Variants in PTPRN2 observed in about 807,000 individuals in gnomAD.
PTPRN2 encodes protein tyrosine phosphatase receptor type N2.
Under a neutral mutation model 118.8 loss-of-function variants are expected in PTPRN2, and 74 were observed. The observed-to-expected ratio is 0.62, with a 90% CI of 0.52 to 0.76. The LOEUF (loss-of-function observed/expected upper bound fraction) is 0.76. PTPRN2 is among the 30% of genes least tolerant of loss of function. PTPRN2 has a pLI of 0.00. For missense variants in PTPRN2, 1,481 were observed against 1,394.4 expected (o/e 1.06, Z -0.99); for synonymous variants, 641 against 608.0 (o/e 1.05, Z -0.80).
chr7:158,441,065 GGTA>G (rs1817056511), intron 2 of PTPRN2, among the ~76,000 whole-genome samples: 2 of 140,656 alleles, frequency 1.4e-5, no homozygotes, highest in African/African-American at 3.0e-5. Context: ...TGATGGGGGT[GGTA>G]GTGATGGTGG....
rs1335466967 is a variant in PTPRN2 at position 158,557,046 on chromosome 7, A to C, written c.112+30512T>G. On this transcript the variant is annotated intron_variant, in intron 1 of 22. Coordinates refer to ENST00000389418, the MANE Select transcript of PTPRN2 (RefSeq NM_002847.5). ...CACGCAGGTCAGAGGGCTCCCGCGCAGGTCACTCCCAGGCAGGTGGCTCCC... is the reference window on the plus strand; with the variant it reads ...CACGCAGGTCAGAGGGCTCCCGCGCCGGTCACTCCCAGGCAGGTGGCTCCC... Among the ~76,000 whole-genome samples, 20 of 137,436 alleles carry C rather than the reference A, an allele frequency of 1.5e-4. 1 individual carries two copies. Among genetic ancestry groups the C allele is most frequent in the African/African-American group, 5.6e-4 (20 of 35,454 alleles). The allele number at this position is 137,436 out of a possible 152,430, so 90.2% of individuals were successfully genotyped here.
In PTPRN2 at chr7:158,468,961, CGGGTGGAT is replaced by C. The variant is rs1178089484; in HGVS notation, c.163+20766_163+20773del. Among the ~76,000 whole-genome samples, 173 of 151,790 alleles carry C rather than the reference CGGGTGGAT, an allele frequency of 1.1e-3. 3 individuals are homozygous for C. Among genetic ancestry groups the C allele is most frequent in the Middle Eastern group, 0.01 (3 of 292 alleles). ...ACAGTAGGCACACCCACACACACTC[CGGGTGGAT>C]CAACACTATGCACACCCATGCACAC... On this transcript the variant is annotated intron_variant, in intron 2 of 22. Transcript: ENST00000389418.
At chr7:158,185,104 G>C (rs1333631959) in intron 5 of PTPRN2, among the ~76,000 whole-genome samples, 1 of 152,144 alleles carries the variant, frequency 6.6e-6, no homozygotes, top group Admixed American at 6.5e-5. Flanking sequence ...TGATTATGAT[G>C]CAGTATTCTT....
chr7:157,631,864 G>C (rs1803983872), intron 14 of PTPRN2, among the ~76,000 whole-genome samples: 1 of 151,270 alleles, frequency 6.6e-6, no homozygotes, highest in African/African-American at 2.4e-5. Context: ...AATTAAGAAT[G>C]CCCTTCAGAT....
chr7:158,167,903 A>G (rs1052492607), intron 5 of PTPRN2, among the ~76,000 whole-genome samples: 12 of 152,232 alleles, frequency 7.9e-5, no homozygotes, highest in African/African-American at 2.9e-4. Context: ...AAATTCACCT[A>G]TCAGTTGATG....
rs1460870551 is a variant in PTPRN2 at position 157,787,069 on chromosome 7, G to T, written c.1789-104132C>A. On this transcript the variant is annotated intron_variant, in intron 12 of 22. Transcript: ENST00000389418. This position sits in a 1 kb window ranked among gnomAD's most constrained non-coding sequence, Gnocchi z 5.3. ...GTGGCTGCCCGGGAGGCGGACGCGG[G>T]TGCGGCGGGGGACGCGGGGGTGGCT... Among the ~76,000 whole-genome samples the T allele has an allele frequency of 1.0e-4, 15 of 144,122 alleles. No homozygotes were observed. The highest frequency in any genetic ancestry group is 3.4e-4 in the African/African-American group (13 of 38,752). 94.5% of individuals were successfully genotyped at this position (144,122 alleles called of 152,430 possible). A position where few individuals can be genotyped will look rare whatever the true frequency, so the allele number is the denominator to read the frequency against.
At chr7:158,132,171 C>G (rs1818386054) in intron 9 of PTPRN2, among the ~76,000 whole-genome samples, 1 of 151,276 alleles carries the variant, frequency 6.6e-6, no homozygotes, top group East Asian at 2.0e-4. Flanking sequence ...CTACCAAACA[C>G]ACACACATAT....
chr7:158,578,763 T>TG (rs1554539414), intron 1 of PTPRN2, among the ~76,000 whole-genome samples: 25 of 151,464 alleles, frequency 1.7e-4, no homozygotes, highest in East Asian at 3.9e-4. Context: ...TCTTTTTTTT[T>TG]TTGTTGTTGT....
intron 3 of PTPRN2, among the ~76,000 whole-genome samples, chr7:158,280,734 A>G (rs1361676140): frequency 6.6e-6 from 1 of 152,226 alleles, no homozygotes; most frequent in African/African-American, 2.4e-5. Flanking sequence ...ATCAATTTTA[A>G]AATTTTCCCA....
intron 13 of PTPRN2, among the ~76,000 whole-genome samples, chr7:157,663,373 G>T (rs1018586804): frequency 1.3e-5 from 2 of 152,158 alleles, no homozygotes; most frequent in Non-Finnish European, 2.9e-5. Flanking sequence ...CCCAACTCCT[G>T]GTGTCTCCCT....
chr7:158,308,061 A>G (rs753895043), intron 3 of PTPRN2, among the ~76,000 whole-genome samples: 4 of 152,228 alleles, frequency 2.6e-5, no homozygotes, highest in African/African-American at 7.2e-5. Context: ...CCTGTAATAA[A>G]TAAATTCCTT....
rs1396802445 is a variant in PTPRN2 at position 157,615,685 on chromosome 7, G to C, written c.2344+5677C>G. 2.2e-6 allele frequency: 1 copy of C among 453,502 alleles called. No individual in the cohort carries two copies. The highest frequency in any genetic ancestry group is 2.4e-5 in the Admixed American group (1 of 41,998). The allele number at this position is 453,502 out of a possible 1,614,324, so 28.1% of individuals were successfully genotyped here. On this transcript the variant is annotated intron_variant, in intron 15 of 22. Transcript: ENST00000389418. The surrounding 1 kb of genome is among the most constrained non-coding windows in gnomAD (Gnocchi z 4.3). ...GACGTGAAAAACATGTTTATAAAAC[G>C]AGCAGATGGTGCCGAGCTGAGAGGG...
intron 9 of PTPRN2, among the ~76,000 whole-genome samples, chr7:158,126,585 GCGGGCGGCGGAAC>G: frequency 1.4e-5 from 1 of 71,010 alleles, no homozygotes; most frequent in Non-Finnish European, 2.6e-5. Flanking sequence ...CCCCAGGACA[GCGGGCGGCGGAAC>G]TTCCTCTCCG....
At chr7:157,896,578 G>C (rs1393578590) in intron 12 of PTPRN2, among the ~76,000 whole-genome samples, 5 of 151,432 alleles carry the variant, frequency 3.3e-5, no homozygotes, top group African/African-American at 9.7e-5. Flanking sequence ...CGTGTGCGTG[G>C]GAAGGAGCTC....
At chr7:158,407,997 G>C (rs887333094) in intron 2 of PTPRN2, among the ~76,000 whole-genome samples, 1 of 152,174 alleles carries the variant, frequency 6.6e-6, no homozygotes, top group Non-Finnish European at 1.5e-5. Context: ...CAAGTCTATG[G>C]AGCTTGTGTG....
intron 2 of PTPRN2, among the ~76,000 whole-genome samples, chr7:158,376,076 C>T (rs867568003): frequency 1.3e-5 from 2 of 152,312 alleles, no homozygotes; most frequent in South Asian, 4.1e-4. Context: ...TGTAGCACAC[C>T]CACCGCGGCT....
intron 12 of PTPRN2, chr7:157,865,198 C>A (rs780054513): frequency 6.6e-6 from 1 of 152,372 alleles, no homozygotes; most frequent in African/African-American, 2.4e-5. Context: ...AGACGGGAGC[C>A]GGGCACTGTG....
intron 11 of PTPRN2, among the ~76,000 whole-genome samples, chr7:158,074,399 G>A (rs552179933): frequency 1.4e-4 from 22 of 152,272 alleles, no homozygotes; most frequent in Non-Finnish European, 2.4e-4. Context: ...CTCTGGCCAC[G>A]GAAGCCTCCT....
chr7:158,340,585 C>A (rs1191030921), intron 2 of PTPRN2, among the ~76,000 whole-genome samples: 7 of 117,426 alleles, frequency 6.0e-5, no homozygotes, highest in Admixed American at 1.7e-4. Flanking sequence ...TAAGAGCCGA[C>A]GCCCGCAGAC....
Sources: allele counts gnomAD v4.1 joint callset (sites outside exome capture counted in the v4.1 genomes callset), GRCh38; gene constraint gnomAD v4.1.1; non-coding constraint Gnocchi (gnomAD v3.1); transcripts MANE v1.5; gene names NCBI Gene and HGNC (gene_info 2026-07-23, HGNC 2026-07-21).